Variants in BAG3 observed in about 807,000 individuals in gnomAD.
BAG3 encodes BAG family molecular chaperone regulator 3.
A neutral mutation model predicts 40.5 loss-of-function variants in BAG3; 14 were observed. The ratio of observed to expected loss-of-function variants is 0.35; its 90% CI spans 0.23 to 0.54. The LOEUF (loss-of-function observed/expected upper bound fraction) is 0.54. Ranked by LOEUF, BAG3 falls within the 20% of genes least tolerant of loss-of-function variation. The pLI is 0.91. For synonymous variants in BAG3, 302 were observed against 307.8 expected (o/e 0.98, Z 0.20); for missense variants, 788 against 758.6 (o/e 1.04, Z -0.46).
chr10:119,664,904 G>C (rs1375317259), intron 1 of BAG3, among the ~76,000 whole-genome samples: 1 of 151,974 alleles, frequency 6.6e-6, no homozygotes, highest in Non-Finnish European at 1.5e-5. Context: ...ACTCTTCCAG[G>C]TGGTGTTTTT....
Position 119,672,689 on chromosome 10 carries a change from T to C in BAG3, c.909+33T>C, listed in dbSNP as rs1369168141. 1.2e-6 allele frequency: 2 copies of C among 1,607,432 alleles called. No homozygotes were observed. The highest frequency in any genetic ancestry group is 1.7e-5 in the Admixed American group (1 of 60,000). On this transcript the variant is annotated intron_variant, in intron 3 of 3. Coordinates refer to ENST00000369085, the MANE Select transcript of BAG3 (RefSeq NM_004281.4). The surrounding 1 kb of genome is among the most constrained non-coding windows in gnomAD (Gnocchi z 4.8). ...AAGTTAGTCGTCAGCAGACTGGTTA[T>C]GGTGGTATGTCTCCAGGGGTGCAGG...
At chr10:119,663,002 G>A (rs1033972907) in intron 1 of BAG3, among the ~76,000 whole-genome samples, 14 of 152,102 alleles carry the variant, frequency 9.2e-5, no homozygotes, top group East Asian at 1.9e-4. Flanking sequence ...GCGACAGAGC[G>A]AGACTCTGTC....
intron 1 of BAG3, 67 bp downstream of exon 1, chr10:119,651,922 C>T: frequency 2.2e-6 from 3 of 1,337,380 alleles, no homozygotes; most frequent in Non-Finnish European, 2.9e-6. Flanking sequence ...GGGGAGTGGG[C>T]TGGGCCGGGG....
At chr10:119,668,423 C>T (rs1466253658) in intron 1 of BAG3, among the ~76,000 whole-genome samples, 2 of 152,254 alleles carry the variant, frequency 1.3e-5, no homozygotes, top group South Asian at 2.1e-4. Flanking sequence ...GGCGTTTGTT[C>T]GCCGTGCAGA....
intron 1 of BAG3, among the ~76,000 whole-genome samples, chr10:119,659,506 C>G (rs1289943968): frequency 6.6e-6 from 1 of 152,182 alleles, no homozygotes; most frequent in East Asian, 1.9e-4. Context: ...AGTGCCACCA[C>G]CCTCTTCTGG....
At chr10:119,655,726 A>T (rs1564768442) in intron 1 of BAG3, among the ~76,000 whole-genome samples, 1 of 152,166 alleles carries the variant, frequency 6.6e-6, no homozygotes, top group African/African-American at 2.4e-5. Flanking sequence ...GCATGGCCAG[A>T]TGCCTTGGAG....
chr10:119,675,535 T>C (rs1847205939), intron 3 of BAG3, among the ~76,000 whole-genome samples: 1 of 152,138 alleles, frequency 6.6e-6, no homozygotes, highest in Non-Finnish European at 1.5e-5. Flanking sequence ...CAGAAACTAC[T>C]AGGCTGTCAC....
chr10:119,651,960 C>A, intron 1 of BAG3, 105 bp downstream of exon 1: 1 of 1,015,524 alleles, frequency 9.8e-7, no homozygotes, highest in Non-Finnish European at 1.2e-6. Flanking sequence ...GCCCGGGGGT[C>A]GGCGAAGGCC....
chr10:119,651,451 C>A lies in BAG3; in HGVS notation c.-225C>A, dbSNP rs1846836937. 11 of 427,832 alleles carry A rather than the reference C, an allele frequency of 2.6e-5. No individual in the cohort carries two copies. The East Asian group carries it at 4.4e-4, about 17-fold the overall frequency. 26.5% of individuals were successfully genotyped at this position (427,832 alleles called of 1,614,324 possible). ...GTTTCTAGCCGGCCAGTTGCTACCT[C>A]CCTTTATCTCCTCCTTCCCCTCTGG... is the stretch of plus-strand genomic sequence containing the variant. On this transcript the variant is annotated 5_prime_UTR_variant, in exon 1 of 4. Transcript: ENST00000369085.
intron 1 of BAG3, among the ~76,000 whole-genome samples, chr10:119,663,067 C>T (rs1316440522): frequency 6.6e-6 from 1 of 152,158 alleles, no homozygotes; most frequent in Non-Finnish European, 1.5e-5. Context: ...GATTGGGGCT[C>T]ACAGAAGGTG....
chr10:119,665,347 A>C (rs1231872893), intron 1 of BAG3, among the ~76,000 whole-genome samples: 1 of 151,320 alleles, frequency 6.6e-6, no homozygotes, highest in African/African-American at 2.4e-5. Context: ...TCACCGTGTT[A>C]GCCAGGATGG....
At chr10:119,674,230 G>A (rs1251007222) in intron 3 of BAG3, among the ~76,000 whole-genome samples, 3 of 152,326 alleles carry the variant, frequency 2.0e-5, no homozygotes, top group South Asian at 4.1e-4. Flanking sequence ...TAGGAGGGGT[G>A]CGTGGTTGGG....
rs1366963228 is a variant in BAG3 at position 119,665,142 on chromosome 10, A to ATTT, written c.181-4708_181-4707insTTT. Among the ~76,000 whole-genome samples the ATTT allele has an allele frequency of 1.5e-4, 13 of 87,824 alleles. No homozygotes were observed. The South Asian group carries it at 2.9e-3, about 19-fold the overall frequency. The allele number at this position is 87,824 out of a possible 152,430, so 57.6% of individuals were successfully genotyped here. The stretch of plus-strand genomic sequence containing the variant: ...TGTGTGTGTGTATATATATATATAT[A>ATTT]TATTTTTTTTTTTAGTTGGAGTCTT... On this transcript the variant is annotated intron_variant, in intron 1 of 3. Transcript: ENST00000369085.
chr10:119,673,411 G>T (rs1847179380), intron 3 of BAG3, among the ~76,000 whole-genome samples: 1 of 152,212 alleles, frequency 6.6e-6, no homozygotes, highest in Non-Finnish European at 1.5e-5. Context: ...GCCAGCTATG[G>T]CGGATTGGAA....
intron 1 of BAG3, among the ~76,000 whole-genome samples, chr10:119,661,332 A>G (rs922859451): frequency 6.6e-6 from 1 of 152,148 alleles, no homozygotes; most frequent in African/African-American, 2.4e-5. Flanking sequence ...GTTTACAAAG[A>G]CTTGTACCTT....
chr10:119,662,532 G>A (rs1210746372), intron 1 of BAG3, among the ~76,000 whole-genome samples: 1 of 152,062 alleles, frequency 6.6e-6, no homozygotes, highest in Non-Finnish European at 1.5e-5. Context: ...GTGTTCACTT[G>A]ACCCATGTGA....
Position 119,669,984 on chromosome 10 carries a change from A to G in BAG3, c.314A>G (p.Asn105Ser). 2 of 1,614,190 alleles carry G rather than the reference A, an allele frequency of 1.2e-6. No homozygotes were observed. The highest frequency in any genetic ancestry group is 1.7e-6 in the Non-Finnish European group (2 of 1,180,020). The change falls in exon 2 of 4, where the codon AAC (asparagine) becomes AGC (serine). Residue 105 changes from asparagine (N) to serine (S), a missense_variant. Coordinates refer to ENST00000369085, the MANE Select transcript of BAG3 (RefSeq NM_004281.4). ...CCTGTGCTCCATGAAGGCGCTGAGA[A>G]CCGGCAGGTGCACCCTTTCCATGTC... ...PIPVLHEGAE[N>S]RQVHPFHVYP... is the part of the protein sequence containing the mutation.
In BAG3 at chr10:119,670,070, T is replaced by A. The variant is rs375257731; in HGVS notation, c.400T>A (p.Ser134Thr). The part of the protein sequence containing the change: ...TEAAAAAPQR[S>T]QSPLRGMPET... ...GGCGGCAGCAGCGGCTCCTCAGAGG[T>A]CCCAGTCACCTCTGCGGGGCATGCC... The change falls in exon 2 of 4, where the codon TCC (serine) becomes ACC (threonine). Residue 134 changes from serine to threonine, a missense_variant. Transcript: ENST00000369085. 6.4e-5 allele frequency: 103 copies of A among 1,613,998 alleles called. 2 individuals carry two copies. In the East Asian group the frequency reaches 6.7e-4, roughly 10 times the overall value.
chr10:119,668,006 G>A (rs196322), intron 1 of BAG3, among the ~76,000 whole-genome samples: 106,950 of 152,172 alleles, frequency 0.7, 37,914 homozygotes, highest in Middle Eastern at 0.74. Context: ...GCCATCTCAC[G>A]GCAGGAATTC....
Sources: gnomAD v4.1 joint callset for allele counts (sites outside exome capture counted in the v4.1 genomes callset) on GRCh38, gnomAD v4.1.1 for gene constraint, Gnocchi (gnomAD v3.1) non-coding constraint, MANE v1.5 for transcripts, NCBI Gene and HGNC (gene_info 2026-07-23, HGNC 2026-07-21) for gene names.